The following ATP8A2 variants were observed in gnomAD, a reference collection of about 807,000 sequenced individuals.
ATP8A2 encodes phospholipid-transporting ATPase IB.
In ATP8A2, 100 loss-of-function variants were observed where a neutral mutation model predicts 165.6. The ratio of observed to expected loss-of-function variants is 0.60; its 90% CI spans 0.51 to 0.71. The LOEUF is 0.71. Ranked by LOEUF, ATP8A2 falls within the 30% of genes least tolerant of loss-of-function variation. ATP8A2 has a pLI of 0.00. For missense variants in ATP8A2, 1,227 were observed against 1,479.5 expected (o/e 0.83, Z 2.80); for synonymous variants, 543 against 548.8 (o/e 0.99, Z 0.15).
At chr13:25,799,325 A>T (rs749747447) in intron 27 of ATP8A2, among the ~76,000 whole-genome samples, 31 of 152,298 alleles carry the variant, frequency 2.0e-4, no homozygotes, top group Admixed American at 5.9e-4. Flanking sequence ...CATCTTTCAC[A>T]TGGGAGTTTC....
intron 24 of ATP8A2, among the ~76,000 whole-genome samples, chr13:25,617,711 A>G (rs1281049005): frequency 1.3e-5 from 2 of 152,166 alleles, no homozygotes; most frequent in Non-Finnish European, 2.9e-5. Flanking sequence ...AACTTACTGA[A>G]TTATGTAGAT....
intron 22 of ATP8A2, among the ~76,000 whole-genome samples, chr13:25,580,192 G>A (rs73170581): frequency 0.11 from 16,528 of 152,182 alleles, 1,220 homozygotes; most frequent in Non-Finnish European, 0.18. Flanking sequence ...GTCAAAAACA[G>A]CATCAGCGAC....
intron 6 of ATP8A2, 29 bp from the exon 7 acceptor site, chr13:25,537,959 C>A: frequency 6.6e-7 from 1 of 1,509,858 alleles, no homozygotes; most frequent in Non-Finnish European, 9.1e-7. Flanking sequence ...TTCTTTCGTG[C>A]CCCTCTGTCC....
At chr13:25,439,290 A>G (rs1169227464) in intron 1 of ATP8A2, among the ~76,000 whole-genome samples, 1 of 152,150 alleles carries the variant, frequency 6.6e-6, no homozygotes, top group African/African-American at 2.4e-5. Context: ...ATAGGGAGGC[A>G]CCTGAAATCT....
chr13:25,856,754 C>T (rs1952177863), intron 30 of ATP8A2, among the ~76,000 whole-genome samples: 1 of 152,156 alleles, frequency 6.6e-6, no homozygotes, highest in Admixed American at 6.5e-5. Context: ...CCTCCTTCTC[C>T]CCTTCCTCCC....
intron 25 of ATP8A2, among the ~76,000 whole-genome samples, chr13:25,738,184 G>A (rs1566091807): frequency 6.6e-6 from 1 of 152,182 alleles, no homozygotes; most frequent in Non-Finnish European, 1.5e-5. Flanking sequence ...GAGGAAGTAG[G>A]GGGCTGGGAT....
At chr13:25,660,614 A>G (rs117688418) in intron 24 of ATP8A2, among the ~76,000 whole-genome samples, 76 of 152,322 alleles carry the variant, frequency 5.0e-4, no homozygotes, top group Non-Finnish European at 9.6e-4. Context: ...CTCCAGGTTA[A>G]CTAAAGATGA....
At chr13:25,574,995 C>A in intron 19 of ATP8A2, 138 bp downstream of exon 19, 1 of 464,106 alleles carries the variant, frequency 2.2e-6, no homozygotes, top group East Asian at 3.5e-5. Flanking sequence ...TCCATAAACT[C>A]TTTTCTTCTT....
At chr13:25,835,221 C>T (rs1057490723) in intron 28 of ATP8A2, among the ~76,000 whole-genome samples, 1 of 152,096 alleles carries the variant, frequency 6.6e-6, no homozygotes, top group Non-Finnish European at 1.5e-5. Flanking sequence ...GTGCATGGCT[C>T]CTGGCTTCTG....
At chr13:25,494,624 C>T (rs2036620035) in intron 2 of ATP8A2, among the ~76,000 whole-genome samples, 2 of 152,078 alleles carry the variant, frequency 1.3e-5, no homozygotes, top group Admixed American at 6.6e-5. Flanking sequence ...TTTAGAAGCG[C>T]GTTGCTGTTG....
intron 6 of ATP8A2, among the ~76,000 whole-genome samples, chr13:25,537,096 TC>T (rs1201094068): frequency 6.6e-6 from 1 of 152,202 alleles, no homozygotes; most frequent in African/African-American, 2.4e-5. Context: ...GGTAGACACT[TC>T]GCCATGGTAC....
chr13:25,938,083 G>A (rs968823127), intron 33 of ATP8A2, among the ~76,000 whole-genome samples: 4 of 151,864 alleles, frequency 2.6e-5, no homozygotes, highest in Non-Finnish European at 4.4e-5. Context: ...GAAATATATT[G>A]GAACGGGAAA....
chr13:25,639,024 A>G (rs1286256661), intron 24 of ATP8A2, among the ~76,000 whole-genome samples: 1 of 152,168 alleles, frequency 6.6e-6, no homozygotes, highest in Non-Finnish European at 1.5e-5. Flanking sequence ...TAAGTGAAGG[A>G]GAAATAAAAT....
intron 24 of ATP8A2, among the ~76,000 whole-genome samples, chr13:25,641,674 C>A (rs1367898817): frequency 6.6e-6 from 1 of 151,984 alleles, no homozygotes; most frequent in African/African-American, 2.4e-5. Flanking sequence ...AATGGCCATA[C>A]TGCTCAAGGT....
intron 36 of ATP8A2, among the ~76,000 whole-genome samples, chr13:26,016,341 C>T (rs1218234954): frequency 6.6e-6 from 1 of 152,216 alleles, no homozygotes; most frequent in Non-Finnish European, 1.5e-5. Flanking sequence ...CAACTCTTCT[C>T]TGCCTGTCTC....
chr13:25,515,734 A>T (rs2037446683), intron 2 of ATP8A2, among the ~76,000 whole-genome samples: 1 of 152,200 alleles, frequency 6.6e-6, no homozygotes, highest in Non-Finnish European at 1.5e-5. Context: ...GTCAGTCTGA[A>T]GCTAGGCAGC....
chr13:25,810,324 A>G (rs1361930867), intron 27 of ATP8A2, among the ~76,000 whole-genome samples: 1 of 152,228 alleles, frequency 6.6e-6, no homozygotes, highest in Admixed American at 6.5e-5. Flanking sequence ...CCATGCAGCC[A>G]GCTCCTGGCC....
rs183864798 is a variant in ATP8A2, at chr13:25,453,252, G to A, written c.77-15725G>A. 5.7e-4 allele frequency among the ~76,000 whole-genome samples: 86 copies of A among 151,380 alleles called. 1 individual carries two copies. Among genetic ancestry groups the A allele is most frequent in the African/African-American group, 2.1e-3 (85 of 41,314 alleles). On this transcript the variant is annotated intron_variant, in intron 1 of 36. Coordinates refer to ENST00000381655, the MANE Select transcript of ATP8A2 (RefSeq NM_016529.6). ...AATGATACTCCTGCCTCAGCCTCCC[G>A]AGTAGCTGGGATTACAGGCGCCTGC...
intron 33 of ATP8A2, among the ~76,000 whole-genome samples, chr13:25,952,337 G>A (rs187286939): frequency 2.0e-3 from 305 of 151,984 alleles, no homozygotes; most frequent in Non-Finnish European, 1.2e-3. Flanking sequence ...GCAAATTAGC[G>A]TGGGCTCACT....
Sources: allele counts gnomAD v4.1 joint callset (sites outside exome capture counted in the v4.1 genomes callset), GRCh38; gene constraint gnomAD v4.1.1; transcripts MANE v1.5; gene names NCBI Gene and HGNC (gene_info 2026-07-23, HGNC 2026-07-21).